Variants in LRP1B observed in about 807,000 individuals in gnomAD.
The protein encoded by LRP1B is low-density lipoprotein receptor-related protein 1B.
Under a neutral mutation model 556.6 loss-of-function variants are expected in LRP1B, and 217 were observed. That is an observed-to-expected ratio of 0.39 (90% CI 0.35 to 0.44). The LOEUF is 0.44. Among genes scored for constraint, LRP1B ranks in the 20% least tolerant of loss-of-function variants. The pLI, the probability that LRP1B is intolerant of heterozygous loss-of-function variation, is 1.00. For synonymous variants in LRP1B, 2,047 were observed against 1,865.8 expected (o/e 1.10, Z -2.50); for missense variants, 5,053 against 5,620.8 (o/e 0.90, Z 3.23).
At chr2:141,163,030 T>A (rs1386026923) in intron 7 of LRP1B, among the ~76,000 whole-genome samples, 1 of 152,124 alleles carries the variant, frequency 6.6e-6, no homozygotes, top group Non-Finnish European at 1.5e-5. Flanking sequence ...CACAGATACA[T>A]CACTGTGACA....
intron 2 of LRP1B, among the ~76,000 whole-genome samples, chr2:141,755,222 A>G (rs1190068267): frequency 6.6e-6 from 1 of 152,128 alleles, no homozygotes; most frequent in Non-Finnish European, 1.5e-5. Context: ...TTGCTTTAAA[A>G]GGCAAATGAT....
Position 140,840,952 on chromosome 2 carries a change from T to G in LRP1B, c.5080A>C (p.Lys1694Gln). ...LKTSIIHGID[K>Q]PQCLAAHPVR... is the part of the protein sequence containing the mutation. ...GGGTGAGCTGCAAGACACTGTGGCT[T>G]ATCGATTCCATGGATAATTGAGGTT... Residue 1694 changes from lysine (K) to glutamine (Q), a missense_variant, in exon 30 of 91, where the codon AAG becomes CAG. Transcript: ENST00000389484. 6.2e-7 allele frequency: 1 copy of G among 1,613,450 alleles called. No individual in the cohort carries two copies.
At chr2:141,433,179 A>G (rs561647902) in intron 3 of LRP1B, among the ~76,000 whole-genome samples, 2 of 152,160 alleles carry the variant, frequency 1.3e-5, no homozygotes, top group South Asian at 4.1e-4. Context: ...TTCTACTATT[A>G]TATTTGCATA....
chr2:142,028,651 T>C (rs1440121697), intron 1 of LRP1B, among the ~76,000 whole-genome samples: 1 of 151,978 alleles, frequency 6.6e-6, no homozygotes, highest in Non-Finnish European at 1.5e-5. Flanking sequence ...ACAGATATTG[T>C]GGTAACACAA....
intron 1 of LRP1B, among the ~76,000 whole-genome samples, chr2:142,046,660 T>A (rs374098076): frequency 2.0e-5 from 3 of 151,984 alleles, no homozygotes; most frequent in African/African-American, 7.2e-5. Flanking sequence ...GTGTTGGCCA[T>A]TGAAGTGAAA....
chr2:141,229,643 G>T (rs1471182877), intron 5 of LRP1B, among the ~76,000 whole-genome samples: 1 of 151,996 alleles, frequency 6.6e-6, no homozygotes, highest in African/African-American at 2.4e-5. Context: ...CAGCACATTT[G>T]TATTCCTTAT....
intron 5 of LRP1B, among the ~76,000 whole-genome samples, chr2:141,233,024 C>T (rs1218345628): frequency 6.6e-6 from 1 of 152,142 alleles, no homozygotes; most frequent in East Asian, 1.9e-4. Flanking sequence ...TACCACATGC[C>T]AATTGAAGAG....
chr2:140,428,377 G>A (rs1004401128), intron 66 of LRP1B, among the ~76,000 whole-genome samples: 1 of 152,124 alleles, frequency 6.6e-6, no homozygotes, highest in Admixed American at 6.5e-5. Context: ...GCAGTGGCCA[G>A]GTATTCCTCC....
At chr2:141,440,712 C>T (rs1357961082) in intron 3 of LRP1B, among the ~76,000 whole-genome samples, 5 of 152,198 alleles carry the variant, frequency 3.3e-5, no homozygotes, top group African/African-American at 4.8e-5. Flanking sequence ...ATTGTGCTTT[C>T]CCATTTTCTC....
intron 3 of LRP1B, among the ~76,000 whole-genome samples, chr2:141,408,212 G>A (rs1056483586): frequency 1.4e-5 from 2 of 139,180 alleles, no homozygotes; most frequent in East Asian, 2.1e-4. Context: ...GCATGATCTC[G>A]GCTCACTGCA....
intron 5 of LRP1B, among the ~76,000 whole-genome samples, chr2:141,235,544 T>C (rs1020035384): frequency 2.6e-5 from 4 of 151,988 alleles, no homozygotes; most frequent in Admixed American, 1.3e-4. Flanking sequence ...TATGCAGAGA[T>C]GGATAAAAGA....
At chr2:141,935,064 A>ACG (rs936157163) in intron 1 of LRP1B, among the ~76,000 whole-genome samples, 2 of 151,714 alleles carry the variant, frequency 1.3e-5, no homozygotes, top group Non-Finnish European at 2.9e-5. Context: ...CTCTATAAAA[A>ACG]ATGACAGTAA....
intron 4 of LRP1B, among the ~76,000 whole-genome samples, chr2:141,253,489 A>G (rs2105338189): frequency 6.6e-6 from 1 of 152,296 alleles, no homozygotes; most frequent in Admixed American, 6.5e-5. Flanking sequence ...TGAAAAGTCA[A>G]TGAGCCTCTT....
intron 1 of LRP1B, among the ~76,000 whole-genome samples, chr2:141,824,983 A>G (rs1696875408): frequency 6.6e-6 from 1 of 152,116 alleles, no homozygotes; most frequent in Non-Finnish European, 1.5e-5. Flanking sequence ...GTGGTAGTTT[A>G]CCCTGTGCGG....
intron 2 of LRP1B, 58 bp downstream of exon 2, chr2:141,810,221 T>G (rs1574386251): frequency 2.6e-6 from 4 of 1,563,632 alleles, no homozygotes; most frequent in Non-Finnish European, 3.5e-6. Flanking sequence ...TGAAAACAAC[T>G]GACATTTAGT....
chr2:140,426,139 A>G (rs1190702150), intron 66 of LRP1B, among the ~76,000 whole-genome samples: 3 of 152,192 alleles, frequency 2.0e-5, no homozygotes, highest in African/African-American at 7.2e-5. Context: ...TGCCAAGAAC[A>G]GGAGGCGCTG....
chr2:140,933,067 A>G (rs956751088), intron 20 of LRP1B, among the ~76,000 whole-genome samples: 5 of 152,050 alleles, frequency 3.3e-5, no homozygotes, highest in African/African-American at 1.2e-4. Flanking sequence ...AGTTATTCAT[A>G]AAAAGGTTTT....
intron 2 of LRP1B, among the ~76,000 whole-genome samples, chr2:141,518,766 T>C (rs1314324355): frequency 6.6e-6 from 1 of 151,916 alleles, no homozygotes; most frequent in African/African-American, 2.4e-5. Flanking sequence ...CTGGCCAACA[T>C]GGTGAAACCC....
intron 3 of LRP1B, among the ~76,000 whole-genome samples, chr2:141,320,644 T>C (rs891876477): frequency 6.6e-6 from 1 of 152,088 alleles, no homozygotes; most frequent in Non-Finnish European, 1.5e-5. Context: ...CGGCAGTTTG[T>C]TAAGATATTT....
Sources: allele counts gnomAD v4.1 joint callset (sites outside exome capture counted in the v4.1 genomes callset), GRCh38; gene constraint gnomAD v4.1.1; transcripts MANE v1.5; gene names NCBI Gene and HGNC (gene_info 2026-07-23, HGNC 2026-07-21).